The following RALY variants were observed in gnomAD, a reference collection of about 807,000 sequenced individuals.
RALY encodes the protein RNA-binding protein Raly.
Under a neutral mutation model 30.7 loss-of-function variants are expected in RALY, and 15 were observed. The observed-to-expected ratio is 0.49, with a 90% CI of 0.33 to 0.75. The LOEUF (loss-of-function observed/expected upper bound fraction) is 0.75. Among genes scored for constraint, RALY ranks in the 30% least tolerant of loss-of-function variants. RALY has a pLI of 0.02. For missense variants in RALY, 339 were observed against 414.3 expected (o/e 0.82, Z 1.58); for synonymous variants, 177 against 170.8 (o/e 1.04, Z -0.28).
intron 5 of RALY, among the ~76,000 whole-genome samples, chr20:34,074,211 TC>T: frequency 6.6e-6 from 1 of 152,302 alleles, no homozygotes; most frequent in Middle Eastern, 3.4e-3. Context: ...TTTGAGCCCT[TC>T]CCTCTGTGAG....
rs2034051014 is a variant in RALY, at chr20:34,082,810, T to C, written c.*2905T>C. 1 of 152,206 alleles carries C rather than the reference T, an allele frequency of 6.6e-6. No homozygotes were observed. The highest frequency in any genetic ancestry group is 1.5e-5 in the Non-Finnish European group (1 of 68,044). The allele number at this position is 152,206 out of a possible 1,614,324, so 9.4% of individuals were successfully genotyped here. On this transcript the variant is annotated 3_prime_UTR_variant, in exon 10 of 10. Coordinates refer to ENST00000246194, the MANE Select transcript of RALY (RefSeq NM_016732.3). The stretch of plus-strand genomic sequence containing the variant: ...CATTCCGCTGCGCAACAGTTGTCAT[T>C]TTTCTAACATCTGAAAACTCCAGAA...
At chr20:34,071,957 A>G (rs2033739497) in intron 2 of RALY, 109 bp from the exon 3 acceptor site, 9 of 1,241,136 alleles carry the variant, frequency 7.3e-6, no homozygotes, top group African/African-American at 6.0e-5. Context: ...GCTGGATGCT[A>G]TAAGGGTTAA....
At chr20:34,045,159 G>A (rs1390094109) in intron 2 of RALY, among the ~76,000 whole-genome samples, 2 of 152,078 alleles carry the variant, frequency 1.3e-5, no homozygotes, top group African/African-American at 2.4e-5. Context: ...CGATCCTCCT[G>A]CCTCGGAGGC....
At chr20:34,057,759 T>G (rs1053454087) in intron 2 of RALY, among the ~76,000 whole-genome samples, 9 of 152,032 alleles carry the variant, frequency 5.9e-5, no homozygotes, top group Non-Finnish European at 1.5e-5. Context: ...AGAGGATTAT[T>G]TAAAGAATGG....
intron 1 of RALY, among the ~76,000 whole-genome samples, chr20:34,005,826 G>A (rs533687960): frequency 1.3e-5 from 2 of 152,268 alleles, no homozygotes; most frequent in South Asian, 2.1e-4. Flanking sequence ...TTTGCAGAAC[G>A]TCATACAGTT....
intron 1 of RALY, among the ~76,000 whole-genome samples, chr20:34,001,898 C>T (rs1478627139): frequency 6.6e-6 from 1 of 152,138 alleles, no homozygotes; most frequent in African/African-American, 2.4e-5. Context: ...TCCTGAGTAG[C>T]TGGGACTGCA....
chr20:34,003,119 C>T (rs984115835), intron 1 of RALY, among the ~76,000 whole-genome samples: 3 of 152,168 alleles, frequency 2.0e-5, no homozygotes, highest in African/African-American at 7.2e-5. Flanking sequence ...TCCTACCCTT[C>T]AGAGAGAAAT....
intron 2 of RALY, among the ~76,000 whole-genome samples, chr20:34,045,553 A>G (rs900633682): frequency 2.0e-5 from 3 of 152,204 alleles, no homozygotes; most frequent in Admixed American, 2.0e-4. Context: ...GTTGGCATGT[A>G]GCCAGGATCA....
At chr20:34,026,339 G>GA (rs2032032568) in intron 1 of RALY, among the ~76,000 whole-genome samples, 1 of 151,890 alleles carries the variant, frequency 6.6e-6, no homozygotes, top group South Asian at 2.1e-4. Flanking sequence ...GTATCGGAAG[G>GA]AAAAAGATCT....
intron 1 of RALY, among the ~76,000 whole-genome samples, chr20:34,024,689 G>A (rs2031953207): frequency 6.6e-6 from 1 of 152,168 alleles, no homozygotes; most frequent in South Asian, 2.1e-4. Flanking sequence ...CCTGACACCT[G>A]TCTTTGTTTG....
chr20:34,007,819 T>TAAA (rs2031227518), intron 1 of RALY, among the ~76,000 whole-genome samples: 1 of 21,298 alleles, frequency 4.7e-5, no homozygotes. Context: ...AAACTCCGTC[T>TAAA]CAAAAAAAAA....
rs1401385873 is a variant in RALY at position 34,075,993 on chromosome 20, T to C, written c.497T>C (p.Leu166Pro). The change falls in exon 6 of 10, where the codon CTC becomes CCC. Residue 166 changes from leucine to proline, a missense_variant. Physicochemically the swap from Leu to Pro is moderately conservative, Grantham distance 98 (BLOSUM62 -3). Transcript: ENST00000246194. ...GTCAAAACTAACGTACCTGTCAAGC[T>C]CTTTGCCCGCTCCACAGCTGTCACC... is the stretch of plus-strand genomic sequence containing the variant. ...RRVKTNVPVK[L>P]FARSTAVTTS... The C allele has an allele frequency of 1.2e-6, 2 of 1,614,226 alleles. No homozygotes were observed. Among genetic ancestry groups the C allele is most frequent in the East Asian group, 4.5e-5 (2 of 44,882 alleles).
intron 2 of RALY, among the ~76,000 whole-genome samples, chr20:34,044,976 G>C (rs1032340579): frequency 2.6e-5 from 4 of 152,064 alleles, no homozygotes; most frequent in Non-Finnish European, 5.9e-5. Flanking sequence ...GCAGTGGCAT[G>C]ATCGTGGCTC....
chr20:34,037,409 C>T lies in RALY; in HGVS notation c.-10+5805C>T, dbSNP rs139784100. ...TACAGAGCTAGAAGAGACCGCTGCC[C>T]GCCTCATGGACTTCAGAGGCTTCAC... On this transcript the variant is annotated intron_variant, in intron 2 of 9. Coordinates refer to ENST00000246194, the MANE Select transcript of RALY (RefSeq NM_016732.3). 8.5e-3 allele frequency among the ~76,000 whole-genome samples: 1,289 copies of T among 152,260 alleles called. 10 individuals are homozygous for T. The highest frequency in any genetic ancestry group is 0.013 in the Non-Finnish European group (864 of 68,018).
chr20:34,071,986 C>A, intron 2 of RALY, 80 bp from the exon 3 acceptor site: 1 of 1,480,044 alleles, frequency 6.8e-7, no homozygotes, highest in Non-Finnish European at 9.2e-7. Context: ...AGAGGCAATT[C>A]ATTTATCCAG....
At chr20:34,025,761 G>A (rs1030627437) in intron 1 of RALY, among the ~76,000 whole-genome samples, 3 of 151,928 alleles carry the variant, frequency 2.0e-5, no homozygotes, top group African/African-American at 7.3e-5. Context: ...GGTCCCCAGG[G>A]AATGCTCCCT....
chr20:34,029,366 G>A (rs1015338127), intron 1 of RALY, among the ~76,000 whole-genome samples: 34 of 152,040 alleles, frequency 2.2e-4, no homozygotes, highest in African/African-American at 8.2e-4. Context: ...GAACCCGGGG[G>A]GCCGGGGGTT....
chr20:33,999,199 G>A (rs2030793502), intron 1 of RALY, among the ~76,000 whole-genome samples: 1 of 151,980 alleles, frequency 6.6e-6, no homozygotes, highest in Admixed American at 6.6e-5. Context: ...TGGAGGGTAA[G>A]GAAGGAATCG....
chr20:34,037,263 T>G (rs937010022), intron 2 of RALY, among the ~76,000 whole-genome samples: 1 of 152,222 alleles, frequency 6.6e-6, no homozygotes, highest in Non-Finnish European at 1.5e-5. Flanking sequence ...GGCTCCTGCC[T>G]GCCCCAAATC....
Sources: gnomAD v4.1 joint callset for allele counts (sites outside exome capture counted in the v4.1 genomes callset) on GRCh38, gnomAD v4.1.1 for gene constraint, MANE v1.5 for transcripts, NCBI Gene and HGNC (gene_info 2026-07-23, HGNC 2026-07-21) for gene names.